ASTN1: variants seen among roughly 807,000 people sequenced by gnomAD.
ASTN1 encodes the protein astrotactin-1.
In ASTN1, 41 loss-of-function variants were observed where a neutral mutation model predicts 140.7. The observed-to-expected ratio is 0.29, with a 90% CI of 0.23 to 0.38. The LOEUF (loss-of-function observed/expected upper bound fraction) is 0.38, where lower values mean the gene tolerates loss of function less well. Among genes scored for constraint, ASTN1 ranks in the 10% least tolerant of loss-of-function variants. The pLI, the probability that ASTN1 is intolerant of heterozygous loss-of-function variation, is 1.00. For missense variants in ASTN1, 1,479 were observed against 1,678.8 expected (o/e 0.88, Z 2.08); for synonymous variants, 640 against 652.2 (o/e 0.98, Z 0.29).
downstream of ASTN1, among the ~76,000 whole-genome samples, chr1:176,858,792 G>A (rs1667883861): frequency 6.6e-6 from 1 of 152,136 alleles, no homozygotes. Flanking sequence ...GGGTAACTGG[G>A]CTGTGACTTG....
At chr1:177,025,598 A>AG (rs1676067560) in intron 5 of ASTN1, among the ~76,000 whole-genome samples, 1 of 152,010 alleles carries the variant, frequency 6.6e-6, no homozygotes, top group South Asian at 2.1e-4. Context: ...GTCTTTTGGA[A>AG]TTTTCTTCTG....
chr1:176,976,151 T>C (rs528675953), intron 8 of ASTN1: 8 of 152,354 alleles, frequency 5.3e-5, no homozygotes, highest in African/African-American at 1.9e-4. Flanking sequence ...CAATCATTTC[T>C]ATTTCTGAGG....
chr1:176,993,242 A>G (rs997510450), intron 8 of ASTN1, among the ~76,000 whole-genome samples: 12 of 152,238 alleles, frequency 7.9e-5, no homozygotes, highest in South Asian at 6.2e-4. Flanking sequence ...AGAGTAAGGT[A>G]TCACAAACAC....
chr1:177,106,659 C>G (rs1018107758), intron 1 of ASTN1, among the ~76,000 whole-genome samples: 1 of 152,138 alleles, frequency 6.6e-6, no homozygotes, highest in African/African-American at 2.4e-5. Context: ...CTCACCCTGC[C>G]AAAAGGAGGT....
At chr1:176,866,763 C>T (rs1222233530) in intron 22 of ASTN1, among the ~76,000 whole-genome samples, 1 of 152,122 alleles carries the variant, frequency 6.6e-6, no homozygotes, top group Non-Finnish European at 1.5e-5. Context: ...ACCCTCAGCT[C>T]AATCTGGAGG....
intron 1 of ASTN1, among the ~76,000 whole-genome samples, chr1:177,128,332 A>C (rs1265971520): frequency 6.6e-6 from 1 of 152,210 alleles, no homozygotes; most frequent in Non-Finnish European, 1.5e-5. Context: ...TAGACTTTTT[A>C]TGGTGAGTTC....
intron 1 of ASTN1, among the ~76,000 whole-genome samples, chr1:177,081,052 C>G (rs1679156360): frequency 1.3e-5 from 2 of 152,130 alleles, no homozygotes; most frequent in Non-Finnish European, 2.9e-5. Context: ...CCCATTTTCT[C>G]TTATTTTCAA....
chr1:176,982,308 T>C (rs10913283), intron 8 of ASTN1, among the ~76,000 whole-genome samples: 2 of 152,188 alleles, frequency 1.3e-5, no homozygotes, highest in African/African-American at 4.8e-5. Flanking sequence ...ATGAGGGCTA[T>C]GCAAACCGAG....
intron 8 of ASTN1, among the ~76,000 whole-genome samples, chr1:176,992,497 C>A (rs1229136426): frequency 1.3e-5 from 2 of 152,116 alleles, no homozygotes; most frequent in African/African-American, 4.8e-5. Context: ...CATTAAGCAC[C>A]CCCAATTGGG....
intron 9 of ASTN1, among the ~76,000 whole-genome samples, chr1:176,960,253 G>A (rs140989138): frequency 6.6e-6 from 1 of 152,210 alleles, no homozygotes; most frequent in Admixed American, 6.5e-5. Context: ...AGGCAGGCTG[G>A]AGTGGGGGCA....
intron 1 of ASTN1, among the ~76,000 whole-genome samples, chr1:177,145,944 T>G (rs545610333): frequency 1.3e-5 from 2 of 152,164 alleles, no homozygotes; most frequent in Non-Finnish European, 2.9e-5. Flanking sequence ...TAAAAATTAT[T>G]GAGAATCACA....
chr1:177,105,050 T>A (rs1680486953), intron 1 of ASTN1, among the ~76,000 whole-genome samples: 2 of 152,134 alleles, frequency 1.3e-5, no homozygotes, highest in African/African-American at 4.8e-5. Context: ...GGGAGTCAAG[T>A]GGTGGTTCTC....
In ASTN1 at chr1:176,888,213, G is replaced by C; in HGVS notation, c.2941-9C>G. 1 of 1,613,540 alleles carries C rather than the reference G, an allele frequency of 6.2e-7. No homozygotes were observed. Among genetic ancestry groups the C allele is most frequent in the Non-Finnish European group, 8.5e-7 (1 of 1,179,872 alleles). On this transcript the variant is annotated splice_polypyrimidine_tract_variant and intron_variant, in intron 17 of 22. Coordinates refer to ENST00000361833, the MANE Select transcript of ASTN1 (RefSeq NM_004319.3). ...GTAGCCTCCTGCAAGAGCTGCATAAGAGAACAGGGAAAAGATTGAGTGTTG... is the reference window on the plus strand; with the variant it reads ...GTAGCCTCCTGCAAGAGCTGCATAACAGAACAGGGAAAAGATTGAGTGTTG...
chr1:176,958,555 C>A (rs1448070288), intron 9 of ASTN1, 73 bp from the exon 10 acceptor site: 3 of 1,480,600 alleles, frequency 2.0e-6, no homozygotes, highest in East Asian at 2.5e-5. Flanking sequence ...TCTAGCATTC[C>A]ATTACCAGTG....
chr1:176,935,109 T>C (rs559895969), intron 15 of ASTN1, among the ~76,000 whole-genome samples: 1 of 152,326 alleles, frequency 6.6e-6, no homozygotes, highest in African/African-American at 2.4e-5. Flanking sequence ...AGATGGCCTA[T>C]GGTAAATTTT....
At chr1:176,994,542 C>T (rs1674349963) in intron 8 of ASTN1, among the ~76,000 whole-genome samples, 1 of 152,120 alleles carries the variant, frequency 6.6e-6, no homozygotes, top group Non-Finnish European at 1.5e-5. Flanking sequence ...AGGGTTTCAT[C>T]ATGTTGGCCA....
chr1:177,134,138 C>T (rs896474941), intron 1 of ASTN1, among the ~76,000 whole-genome samples: 2 of 152,192 alleles, frequency 1.3e-5, no homozygotes, highest in Non-Finnish European at 2.9e-5. Flanking sequence ...ACATAGCTAG[C>T]CCCCATGCTT....
intron 22 of ASTN1, among the ~76,000 whole-genome samples, chr1:176,865,689 T>A (rs1224721693): frequency 6.6e-6 from 1 of 152,212 alleles, no homozygotes; most frequent in African/African-American, 2.4e-5. Flanking sequence ...GAACCACTCT[T>A]TTCTAGTTCC....
chr1:176,902,386 T>C (rs1023102781), intron 16 of ASTN1, among the ~76,000 whole-genome samples: 6 of 152,192 alleles, frequency 3.9e-5, no homozygotes, highest in African/African-American at 1.4e-4. Flanking sequence ...GTAGGAAAAA[T>C]GGTATCTATA....
Sources: gnomAD v4.1 joint callset for allele counts (sites outside exome capture counted in the v4.1 genomes callset) on GRCh38, gnomAD v4.1.1 for gene constraint, MANE v1.5 for transcripts, NCBI Gene and HGNC (gene_info 2026-07-23, HGNC 2026-07-21) for gene names.